The following CNBD2 variants were observed in gnomAD, a reference collection of about 807,000 sequenced individuals.
CNBD2 encodes cyclic nucleotide-binding domain-containing protein 2.
A neutral mutation model predicts 63.7 loss-of-function variants in CNBD2; 64 were observed. The observed-to-expected ratio is 1.00, with a 90% CI of 0.82 to 1.24. CNBD2 has a LOEUF of 1.24. Among genes scored for constraint, CNBD2 ranks in the 50% most tolerant of loss-of-function variants. CNBD2 has a pLI of 0.00. For missense variants in CNBD2, 691 were observed against 713.5 expected, an observed-to-expected ratio of 0.97 and a Z score of 0.36; for synonymous variants, 229 against 255.4, an observed-to-expected ratio of 0.90 and a Z score of 0.99.
rs1375395606 is a variant in CNBD2, at chr20:35,980,557, G to T, written c.342G>T (p.Leu114=). 1 of 1,614,160 alleles carries T rather than the reference G, an allele frequency of 6.2e-7. No homozygotes were observed. The highest frequency in any genetic ancestry group is 8.5e-7 in the Non-Finnish European group (1 of 1,180,044). The stretch of plus-strand genomic sequence containing the variant: ...CCGTCTGTAACATCTTGCAGGTTCT[G>T]GATAGCTATCGGAACTACGCAGAGC... The part of the protein sequence containing the change: ...IQAVCNILQV[L]DSYRNYAEPL... The change falls in exon 4 of 12, where the codon CTG becomes CTT. Residue 114 remains leucine, a synonymous_variant. Coordinates refer to ENST00000373973, the MANE Select transcript of CNBD2 (RefSeq NM_001365709.1).
chr20:36,005,705 C>A (rs551542972), intron 8 of CNBD2, among the ~76,000 whole-genome samples: 1 of 151,910 alleles, frequency 6.6e-6, no homozygotes, highest in Admixed American at 6.6e-5. Context: ...AATCCCAGCA[C>A]TTTGGGAGGC....
chr20:35,988,145 C>T (rs1050408335), intron 7 of CNBD2, among the ~76,000 whole-genome samples: 1 of 151,922 alleles, frequency 6.6e-6, no homozygotes, highest in African/African-American at 2.4e-5. Flanking sequence ...GCTGGGATTA[C>T]AGGCATGAGC....
rs1226223170 is a variant in CNBD2 at position 36,001,621 on chromosome 20, G to A, written c.970+6469G>A. Reference sequence around the variant, plus strand: ...CAGACGGGGCGGCTGCCAGGCGGAGGGGCTCCTCACTTCTCAGATGGGGCG... The same window carrying A: ...CAGACGGGGCGGCTGCCAGGCGGAGAGGCTCCTCACTTCTCAGATGGGGCG... On this transcript the variant is annotated intron_variant, in intron 8 of 11. Coordinates refer to ENST00000373973, the MANE Select transcript of CNBD2 (RefSeq NM_001365709.1). Among the ~76,000 whole-genome samples, 3 of 148,244 alleles carry A rather than the reference G, an allele frequency of 2.0e-5. No homozygotes were observed. In the East Asian group the frequency reaches 6.1e-4, roughly 30 times the overall value.
chr20:36,000,712 C>T (rs1252601333), intron 8 of CNBD2, among the ~76,000 whole-genome samples: 4 of 151,240 alleles, frequency 2.6e-5, no homozygotes, highest in African/African-American at 9.8e-5. Context: ...GCGTCCACCA[C>T]CACGCCTGGC....
chr20:35,961,297 T>C (rs896231986), intron 2 of CNBD2, among the ~76,000 whole-genome samples: 7 of 152,206 alleles, frequency 4.6e-5, no homozygotes, highest in Non-Finnish European at 5.9e-5. Context: ...TATCTTCTGT[T>C]CTCAGCAAGG....
At chr20:35,965,004 T>C (rs1324027931), upstream of CNBD2, among the ~76,000 whole-genome samples, 1 of 152,148 alleles carries the variant, frequency 6.6e-6, no homozygotes, top group Non-Finnish European at 1.5e-5. Context: ...CCCGGCCTCA[T>C]ATATCTTTCA....
chr20:36,012,028 G>A (rs2057068491), intron 10 of CNBD2, among the ~76,000 whole-genome samples: 1 of 152,054 alleles, frequency 6.6e-6, no homozygotes, highest in East Asian at 1.9e-4. Context: ...GCCAGGCATG[G>A]TGGCTCACGC....
chr20:35,960,993 G>A (rs1266686339), intron 2 of CNBD2, among the ~76,000 whole-genome samples: 1 of 151,402 alleles, frequency 6.6e-6, no homozygotes. Flanking sequence ...GTGGTGGCAT[G>A]ATCTTGGCTC....
chr20:35,995,018 A>C lies in CNBD2; in HGVS notation c.856-20A>C, dbSNP rs751114723. On this transcript the variant is annotated intron_variant, in intron 7 of 11. Coordinates refer to ENST00000373973, the MANE Select transcript of CNBD2 (RefSeq NM_001365709.1). ...AGCCTTAGGGGTTAACCCTTTTCCTATGTCCCTTGCTGTGTTCAGGGCAGC... is the reference window on the plus strand; with the variant it reads ...AGCCTTAGGGGTTAACCCTTTTCCTCTGTCCCTTGCTGTGTTCAGGGCAGC... 1.3e-6 allele frequency: 2 copies of C among 1,580,346 alleles called. No individual in the cohort carries two copies. Among genetic ancestry groups the C allele is most frequent in the South Asian group, 1.1e-5 (1 of 90,274 alleles).
At chr20:36,012,248 T>A (rs2147334910) in intron 10 of CNBD2, among the ~76,000 whole-genome samples, 1 of 150,920 alleles carries the variant, frequency 6.6e-6, no homozygotes, top group African/African-American at 2.4e-5. Context: ...TGCAGTGAGC[T>A]GAGATAGTGA....
intron 10 of CNBD2, among the ~76,000 whole-genome samples, chr20:36,014,296 A>G (rs762913735): frequency 6.6e-6 from 1 of 151,432 alleles, no homozygotes; most frequent in African/African-American, 2.4e-5. Flanking sequence ...AGCACACTTA[A>G]CACTTGGATC....
upstream of CNBD2, chr20:35,954,566 C>G (rs1350028407): frequency 6.8e-7 from 1 of 1,472,228 alleles, no homozygotes; most frequent in Admixed American, 2.1e-5. Context: ...CGCCCTCTAG[C>G]GTTCTCGAGT....
At chr20:36,012,496 A>G (rs975343743) in intron 10 of CNBD2, among the ~76,000 whole-genome samples, 2 of 151,892 alleles carry the variant, frequency 1.3e-5, no homozygotes, top group African/African-American at 4.8e-5. Context: ...AAAAATTAAT[A>G]ACAAATACAT....
chr20:35,963,165 G>A (rs982745183), intron 2 of CNBD2, among the ~76,000 whole-genome samples: 4 of 151,970 alleles, frequency 2.6e-5, no homozygotes, highest in African/African-American at 9.7e-5. Context: ...GCAACGTAGT[G>A]AGACCAGATC....
downstream of CNBD2, among the ~76,000 whole-genome samples, chr20:35,958,619 C>T (rs569572302): frequency 1.8e-4 from 27 of 152,186 alleles, no homozygotes; most frequent in Non-Finnish European, 3.1e-4. Context: ...TTCACATTTT[C>T]CCAGTTTTAC....
intron 10 of CNBD2, among the ~76,000 whole-genome samples, 192 bp downstream of exon 10, chr20:36,011,449 G>T (rs1249705564): frequency 6.6e-6 from 1 of 152,192 alleles, no homozygotes; most frequent in East Asian, 1.9e-4. Context: ...CACTATGAGA[G>T]GCCGAGGTGG....
At chr20:36,016,991 C>T (rs560497606) in intron 10 of CNBD2, among the ~76,000 whole-genome samples, 33 of 146,348 alleles carry the variant, frequency 2.3e-4, no homozygotes, top group South Asian at 4.3e-4. Context: ...CCTGTGAAGT[C>T]GAGGCTGCAG....
chr20:35,984,539 G>T (rs991637448), intron 5 of CNBD2, 88 bp from the exon 6 acceptor site: 3 of 1,394,246 alleles, frequency 2.2e-6, no homozygotes, highest in Non-Finnish European at 2.0e-6. Context: ...AATTCAGGGG[G>T]AAGATGGAGG....
At chr20:36,013,033 G>C (rs576311353) in intron 10 of CNBD2, among the ~76,000 whole-genome samples, 3 of 151,940 alleles carry the variant, frequency 2.0e-5, no homozygotes, top group African/African-American at 7.3e-5. Flanking sequence ...ATTCTCTATG[G>C]TACTGTAATG....
Sources: gnomAD v4.1 joint callset for allele counts (sites outside exome capture counted in the v4.1 genomes callset) on GRCh38, gnomAD v4.1.1 for gene constraint, MANE v1.5 for transcripts, NCBI Gene and HGNC (gene_info 2026-07-23, HGNC 2026-07-21) for gene names.